Variants in FHOD3 observed in about 807,000 individuals in gnomAD.
FHOD3 encodes FH1/FH2 domain-containing protein 3.
A neutral mutation model predicts 173.0 loss-of-function variants in FHOD3; 90 were observed. The observed-to-expected ratio is 0.52, with a 90% confidence interval of 0.44 to 0.62. The LOEUF (loss-of-function observed/expected upper bound fraction) is 0.62, where lower values mean the gene tolerates loss of function less well. FHOD3 is among the 20% of genes least tolerant of loss of function. The pLI is 0.00. For missense variants in FHOD3, 1,945 were observed against 2,034.7 expected (o/e 0.96, Z 0.85); for synonymous variants, 828 against 823.0 (o/e 1.01, Z -0.10).
At chr18:36,316,213 C>G (rs983192060) in intron 1 of FHOD3, among the ~76,000 whole-genome samples, 17 of 151,914 alleles carry the variant, frequency 1.1e-4, no homozygotes, top group Non-Finnish European at 2.4e-4. Context: ...TCTGCAAAGT[C>G]TAAACAGTTT....
chr18:36,663,082 T>A (rs1416866954), intron 14 of FHOD3, among the ~76,000 whole-genome samples: 1 of 152,148 alleles, frequency 6.6e-6, no homozygotes, highest in Non-Finnish European at 1.5e-5. Flanking sequence ...CATGAGTAAA[T>A]CTTTTCTATT....
At chr18:36,451,530 C>T (rs887941582) in intron 3 of FHOD3, among the ~76,000 whole-genome samples, 1 of 152,220 alleles carries the variant, frequency 6.6e-6, no homozygotes, top group African/African-American at 2.4e-5. Flanking sequence ...CCCTTTCTCC[C>T]AGCCTCTGCC....
At chr18:36,538,633 A>G (rs1459055553) in intron 5 of FHOD3, among the ~76,000 whole-genome samples, 1 of 152,238 alleles carries the variant, frequency 6.6e-6, no homozygotes, top group Non-Finnish European at 1.5e-5. Flanking sequence ...CAACTCAGCA[A>G]TGAAAAGGAA....
At chr18:36,336,848 C>CG (rs2045340723) in intron 1 of FHOD3, among the ~76,000 whole-genome samples, 1 of 35,800 alleles carries the variant, frequency 2.8e-5, no homozygotes, top group Non-Finnish European at 5.3e-5. Flanking sequence ...AACTCCGTCT[C>CG]AAAAAAAAAA....
chr18:36,555,561 T>C (rs751296288), intron 5 of FHOD3, among the ~76,000 whole-genome samples: 69 of 152,276 alleles, frequency 4.5e-4, no homozygotes, highest in Non-Finnish European at 6.9e-4. Flanking sequence ...TGGATAGCTT[T>C]GTTCCAGTCT....
intron 3 of FHOD3, among the ~76,000 whole-genome samples, chr18:36,429,627 T>A (rs1175718112): frequency 6.6e-6 from 1 of 152,188 alleles, no homozygotes; most frequent in Admixed American, 6.5e-5. Context: ...ATTGGAGAAC[T>A]AATCAGGAGA....
chr18:36,759,181 C>G (rs1487006865), intron 26 of FHOD3, 40 bp downstream of exon 26: 2 of 1,527,732 alleles, frequency 1.3e-6, no homozygotes, highest in Admixed American at 2.0e-5. Context: ...CACATTTTAC[C>G]ACCTCATGTA....
At chr18:36,627,352 T>C (rs1417926693) in intron 10 of FHOD3, among the ~76,000 whole-genome samples, 3 of 152,154 alleles carry the variant, frequency 2.0e-5, no homozygotes, top group Non-Finnish European at 4.4e-5. Context: ...GTTTGTTCCT[T>C]GTCTGTTTCT....
intron 3 of FHOD3, among the ~76,000 whole-genome samples, chr18:36,454,341 G>A (rs2144460096): frequency 6.6e-6 from 1 of 152,070 alleles, no homozygotes; most frequent in Non-Finnish European, 1.5e-5. Flanking sequence ...GCACACATGA[G>A]CGCACACAGA....
chr18:36,626,962 C>T (rs750968732), intron 10 of FHOD3, among the ~76,000 whole-genome samples: 2 of 152,150 alleles, frequency 1.3e-5, no homozygotes, highest in Non-Finnish European at 2.9e-5. Flanking sequence ...AGATGTGCAA[C>T]CATGGTCTAT....
intron 1 of FHOD3, among the ~76,000 whole-genome samples, chr18:36,317,182 A>G (rs552632656): frequency 8.5e-4 from 129 of 152,334 alleles, no homozygotes; most frequent in African/African-American, 3.0e-3. Context: ...CACAATAAAC[A>G]TACATGTGCA....
At chr18:36,474,630 A>G (rs1242670526) in intron 3 of FHOD3, among the ~76,000 whole-genome samples, 5 of 152,144 alleles carry the variant, frequency 3.3e-5, no homozygotes, top group Non-Finnish European at 5.9e-5. Context: ...TGGGATACAG[A>G]GTGAGGTAGG....
At chr18:36,728,764 T>C (rs1449768108) in intron 19 of FHOD3, among the ~76,000 whole-genome samples, 1 of 152,186 alleles carries the variant, frequency 6.6e-6, no homozygotes, top group Non-Finnish European at 1.5e-5. Context: ...GAACAGTTTC[T>C]CTAGATGGCT....
intron 1 of FHOD3, among the ~76,000 whole-genome samples, chr18:36,323,247 G>A (rs868380655): frequency 7.9e-5 from 12 of 152,298 alleles, no homozygotes; most frequent in Middle Eastern, 6.8e-3. Context: ...GGAACTCAAA[G>A]GCCAGCAACG....
Position 36,760,708 on chromosome 18 carries a change from T to C in FHOD3, c.4550T>C (p.Leu1517Pro). The change falls in exon 27 of 29, where the codon CTG becomes CCG. Residue 1517 changes from leucine (L) to proline (P), a missense_variant. Physicochemically the swap from Leu to Pro is moderately conservative, Grantham distance 98. Around this residue, in one of 5 missense-constraint regions of FHOD3, gnomAD observed 354 missense variants for 359.9 expected, o/e 0.98. Transcript: ENST00000590592. ...AAEHENMKAV[L>P]KTSSPSVEDA... The stretch of plus-strand genomic sequence containing the variant: ...GAGCACGAGAACATGAAGGCTGTGC[T>C]GAAAACCTCGTCCCCCTCCGTGGAG... The C allele has an allele frequency of 6.2e-7, 1 of 1,613,306 alleles. No individual in the cohort carries two copies.
chr18:36,738,185 G>A (rs1378179936), intron 20 of FHOD3, among the ~76,000 whole-genome samples: 4 of 152,202 alleles, frequency 2.6e-5, no homozygotes, highest in Non-Finnish European at 5.9e-5. Context: ...ATTGCCGAGT[G>A]CTATTGCATT....
At chr18:36,451,291 C>A (rs1874632340) in intron 3 of FHOD3, among the ~76,000 whole-genome samples, 1 of 152,166 alleles carries the variant, frequency 6.6e-6, no homozygotes, top group Admixed American at 6.5e-5. Flanking sequence ...CTACTTGGTA[C>A]ATAATGTTAA....
intron 3 of FHOD3, among the ~76,000 whole-genome samples, chr18:36,475,312 G>T (rs1361631638): frequency 6.6e-6 from 1 of 152,112 alleles, no homozygotes; most frequent in Non-Finnish European, 1.5e-5. Flanking sequence ...TACATGCAGA[G>T]ATGGTGTCCT....
chr18:36,493,416 C>T (rs1478884188), intron 3 of FHOD3, among the ~76,000 whole-genome samples: 1 of 152,018 alleles, frequency 6.6e-6, no homozygotes, highest in African/African-American at 2.4e-5. Context: ...AGCCATGCTT[C>T]CTGGGGGTTC....
Sources: allele counts gnomAD v4.1 joint callset (sites outside exome capture counted in the v4.1 genomes callset), GRCh38; gene constraint gnomAD v4.1.1; regional missense constraint gnomAD v4.1.1; transcripts MANE v1.5; gene names NCBI Gene and HGNC (gene_info 2026-07-23, HGNC 2026-07-21).